DPP10: variants seen among roughly 807,000 people sequenced by gnomAD.
The protein encoded by DPP10 is inactive dipeptidyl peptidase 10.
DPP10 carries 33 observed loss-of-function variants against 120.9 expected under a neutral mutation model. The ratio of observed to expected loss-of-function variants is 0.27; its 90% CI spans 0.21 to 0.37. The LOEUF is 0.37. DPP10 is among the 10% of genes least tolerant of loss of function. DPP10 has a pLI of 1.00. For synonymous variants in DPP10, 337 were observed against 326.1 expected, an observed-to-expected ratio of 1.03 and a Z score of -0.36; for missense variants, 816 against 942.8, an observed-to-expected ratio of 0.87 and a Z score of 1.76.
intron 3 of DPP10, among the ~76,000 whole-genome samples, chr2:115,393,528 C>G (rs1159207584): frequency 2.6e-5 from 4 of 152,026 alleles, no homozygotes; most frequent in Non-Finnish European, 4.4e-5. Flanking sequence ...ATTCCAGTTG[C>G]TCTTAGAAGT....
intron 1 of DPP10, among the ~76,000 whole-genome samples, chr2:115,171,376 AAAAG>A (rs1171018760): frequency 2.1e-5 from 3 of 141,858 alleles, no homozygotes; most frequent in Non-Finnish European, 3.0e-5. Flanking sequence ...AAAAAAAAAG[AAAAG>A]AAAAGAAAAG....
At position 115,378,161 on chromosome 2, in the gene DPP10, G is replaced by A. The variant is rs1470291127; in HGVS notation, c.271+34249G>A. Among the ~76,000 whole-genome samples, 7 of 152,164 alleles carry A rather than the reference G, an allele frequency of 4.6e-5. No individual in the cohort carries two copies. The East Asian group carries it at 7.7e-4, about 17-fold the overall frequency. On this transcript the variant is annotated intron_variant, in intron 3 of 25. Coordinates refer to ENST00000410059, the MANE Select transcript of DPP10 (RefSeq NM_020868.6). ...CCTTGGGCAGTATGGCCATTTTCAC[G>A]CTATTGATTCTTCCTACCCATGAGC...
At chr2:114,515,688 G>A (rs1684536919) in intron 1 of DPP10, among the ~76,000 whole-genome samples, 1 of 151,876 alleles carries the variant, frequency 6.6e-6, no homozygotes. Flanking sequence ...AAATTTCTAG[G>A]GTATTAAAAA....
chr2:115,774,209 TACACAC>T lies in DPP10; in HGVS notation c.1222-2972_1222-2967del, dbSNP rs3069387. ...ATCTCATTTGTCTTTAAAACACACA[TACACAC>T]ACACACACACACACACACACACACA... On this transcript the variant is annotated intron_variant, in intron 13 of 25. Transcript: ENST00000410059. Among the ~76,000 whole-genome samples the T allele has an allele frequency of 9.8e-4, 145 of 147,612 alleles. 1 individual carries two copies. The East Asian group carries it at 0.012, about 12-fold the overall frequency.
intron 1 of DPP10, among the ~76,000 whole-genome samples, chr2:115,187,819 G>A (rs1015770292): frequency 1.8e-4 from 27 of 151,994 alleles, no homozygotes; most frequent in African/African-American, 6.3e-4. Context: ...TGAGCAACAT[G>A]GTGAAACCCC....
intron 5 of DPP10, among the ~76,000 whole-genome samples, chr2:115,653,523 T>C (rs1023151069): frequency 6.6e-6 from 1 of 151,918 alleles, no homozygotes; most frequent in Non-Finnish European, 1.5e-5. Context: ...CTCCTAAAAG[T>C]TTTTCTTACT....
intron 1 of DPP10, among the ~76,000 whole-genome samples, chr2:114,989,758 T>TA (rs965803766): frequency 1.3e-4 from 20 of 152,348 alleles, no homozygotes; most frequent in Middle Eastern, 3.4e-3. Flanking sequence ...TTCCCATTGA[T>TA]ACAGAAGTTT....
At chr2:115,759,931 C>A (rs189381079) in intron 11 of DPP10, among the ~76,000 whole-genome samples, 229 of 152,114 alleles carry the variant, frequency 1.5e-3, no homozygotes, top group African/African-American at 5.0e-3. Flanking sequence ...ATTGCTTGAA[C>A]CTGGGAAGTG....
intron 5 of DPP10, chr2:115,579,967 C>T (rs971113940): frequency 6.6e-6 from 1 of 152,114 alleles, no homozygotes; most frequent in African/African-American, 2.4e-5. Flanking sequence ...CTAATGCTCT[C>T]CCTCCCCCAC....
intron 1 of DPP10, among the ~76,000 whole-genome samples, chr2:114,536,282 G>T (rs1315668764): frequency 6.6e-6 from 1 of 151,960 alleles, no homozygotes. Context: ...TCCCTTAGAG[G>T]AATGTTTTAC....
At chr2:115,523,528 C>G (rs2077948371) in intron 4 of DPP10, among the ~76,000 whole-genome samples, 1 of 151,456 alleles carries the variant, frequency 6.6e-6, no homozygotes, top group African/African-American at 2.4e-5. Flanking sequence ...ACAACTGCAA[C>G]GTTGGAATTT....
intron 10 of DPP10, among the ~76,000 whole-genome samples, chr2:115,751,389 A>G (rs1678686498): frequency 6.6e-6 from 1 of 152,210 alleles, no homozygotes; most frequent in South Asian, 2.1e-4. Flanking sequence ...GATATGGACA[A>G]AGATTATACC....
At chr2:115,695,651 A>G (rs529977041) in intron 7 of DPP10, among the ~76,000 whole-genome samples, 37 of 152,306 alleles carry the variant, frequency 2.4e-4, no homozygotes, top group African/African-American at 8.2e-4. Context: ...AATTATTAAA[A>G]TTCAAGGTGC....
At chr2:114,782,540 G>C (rs1682428938) in intron 1 of DPP10, among the ~76,000 whole-genome samples, 1 of 151,904 alleles carries the variant, frequency 6.6e-6, no homozygotes, top group South Asian at 2.1e-4. Context: ...GTGTTACATT[G>C]ACTAATATTG....
At chr2:115,634,441 T>G (rs1330048484) in intron 5 of DPP10, among the ~76,000 whole-genome samples, 1 of 152,218 alleles carries the variant, frequency 6.6e-6, no homozygotes, top group Non-Finnish European at 1.5e-5. Context: ...TTTGTTTATT[T>G]TTCTTTTAAG....
chr2:115,837,717 A>G (rs1468516181), intron 24 of DPP10, among the ~76,000 whole-genome samples: 1 of 152,138 alleles, frequency 6.6e-6, no homozygotes, highest in Admixed American at 6.5e-5. Flanking sequence ...CTTTACCTCC[A>G]TGGTTTAGTA....
At chr2:115,187,302 C>G (rs1207264900) in intron 1 of DPP10, among the ~76,000 whole-genome samples, 2 of 152,006 alleles carry the variant, frequency 1.3e-5, no homozygotes, top group African/African-American at 4.8e-5. Flanking sequence ...TCCCAAAGTG[C>G]TGGGATTACA....
At chr2:115,327,886 G>A (rs1049737606) in intron 2 of DPP10, among the ~76,000 whole-genome samples, 1 of 152,018 alleles carries the variant, frequency 6.6e-6, no homozygotes, top group Non-Finnish European at 1.5e-5. Context: ...ATTGTTTGAT[G>A]TCACAGTGTC....
intron 5 of DPP10, among the ~76,000 whole-genome samples, chr2:115,688,961 C>A (rs2091160260): frequency 6.6e-6 from 1 of 152,098 alleles, no homozygotes; most frequent in South Asian, 2.1e-4. Flanking sequence ...CCTATCAGAA[C>A]CATCACTCAA....
Sources: gnomAD v4.1 joint callset for allele counts (sites outside exome capture counted in the v4.1 genomes callset) on GRCh38, gnomAD v4.1.1 for gene constraint, MANE v1.5 for transcripts, NCBI Gene and HGNC (gene_info 2026-07-23, HGNC 2026-07-21) for gene names.